The following KLF12 variants were observed in gnomAD, a reference collection of about 807,000 sequenced individuals.
The protein encoded by KLF12 is Krueppel-like factor 12.
A neutral mutation model predicts 37.8 loss-of-function variants in KLF12; 9 were observed. The observed-to-expected ratio is 0.24, with a 90% CI of 0.14 to 0.42. The LOEUF (loss-of-function observed/expected upper bound fraction) is 0.42, where lower values mean the gene tolerates loss of function less well. KLF12 is among the 10% of genes least tolerant of loss of function. KLF12 has a pLI of 1.00. For missense variants in KLF12, 411 were observed against 516.0 expected, an observed-to-expected ratio of 0.80 and a Z score of 1.97; for synonymous variants, 208 against 202.1, an observed-to-expected ratio of 1.03 and a Z score of -0.25.
chr13:73,714,154 A>G (rs1161840731), intron 7 of KLF12, among the ~76,000 whole-genome samples: 2 of 152,168 alleles, frequency 1.3e-5, no homozygotes, highest in African/African-American at 4.8e-5. Flanking sequence ...AATAAGTAGA[A>G]AAGAGAGGCT....
At chr13:74,071,658 A>G (rs542549623) in intron 1 of KLF12, among the ~76,000 whole-genome samples, 2 of 152,310 alleles carry the variant, frequency 1.3e-5, no homozygotes, top group South Asian at 4.1e-4. Flanking sequence ...GCACCACTGC[A>G]CTCCAGCCTG....
At chr13:74,056,058 T>C (rs1281467449) in intron 1 of KLF12, among the ~76,000 whole-genome samples, 3 of 152,136 alleles carry the variant, frequency 2.0e-5, no homozygotes, top group Admixed American at 2.0e-4. Context: ...CACCTGCAGA[T>C]ACTTGCCAGA....
At chr13:73,796,649 A>T (rs1881993164) in intron 5 of KLF12, among the ~76,000 whole-genome samples, 1 of 151,204 alleles carries the variant, frequency 6.6e-6, no homozygotes, top group Non-Finnish European at 1.5e-5. Flanking sequence ...CTTATAGAAA[A>T]CTCTTTGGTA....
At chr13:73,830,422 C>G (rs1884090660) in intron 4 of KLF12, among the ~76,000 whole-genome samples, 1 of 152,058 alleles carries the variant, frequency 6.6e-6, no homozygotes, top group African/African-American at 2.4e-5. Flanking sequence ...CTGGAAAATG[C>G]CAGATTTTAC....
At chr13:74,165,579 G>A in the KLF12 span, among the ~76,000 whole-genome samples, 2 of 152,146 alleles carry the variant, frequency 1.3e-5, no homozygotes. Flanking sequence ...AATTACAGGA[G>A]TGAGCCACCA....
chr13:74,218,235 T>C, the KLF12 span, among the ~76,000 whole-genome samples: 52 of 152,310 alleles, frequency 3.4e-4, no homozygotes, highest in African/African-American at 1.2e-3. Flanking sequence ...TCCCCATCTC[T>C]TGAGGTTTTA....
At chr13:73,699,905 G>A (rs895829684) in intron 7 of KLF12, among the ~76,000 whole-genome samples, 2 of 151,906 alleles carry the variant, frequency 1.3e-5, no homozygotes, top group Non-Finnish European at 1.5e-5. Flanking sequence ...CAAGGGAAGA[G>A]GCCTCAGAAA....
chr13:74,057,422 C>A (rs754666498), intron 1 of KLF12, among the ~76,000 whole-genome samples: 1 of 152,174 alleles, frequency 6.6e-6, no homozygotes, highest in African/African-American at 2.4e-5. Flanking sequence ...TCCCAAAGAA[C>A]AGGTTACAGC....
chr13:73,913,918 A>T (rs955144783), intron 3 of KLF12, among the ~76,000 whole-genome samples: 1 of 152,204 alleles, frequency 6.6e-6, no homozygotes, highest in African/African-American at 2.4e-5. Flanking sequence ...TTTTTCTATT[A>T]AAAGAAAAGT....
chr13:73,738,143 A>ATG (rs1877661452), intron 6 of KLF12, among the ~76,000 whole-genome samples: 1 of 145,828 alleles, frequency 6.9e-6, no homozygotes, highest in African/African-American at 2.5e-5. Context: ...ACACATATAT[A>ATG]TACACACACA....
chr13:73,909,854 T>C (rs1888488360), intron 3 of KLF12, among the ~76,000 whole-genome samples: 1 of 152,248 alleles, frequency 6.6e-6, no homozygotes, highest in East Asian at 1.9e-4. Flanking sequence ...TTCTTTGGTT[T>C]TTCTTGATCT....
chr13:73,898,149 T>C (rs1887874270), intron 3 of KLF12, among the ~76,000 whole-genome samples: 1 of 152,182 alleles, frequency 6.6e-6, no homozygotes, highest in South Asian at 2.1e-4. Flanking sequence ...ACCTGAAGTA[T>C]TCAGCCCTTC....
At chr13:74,225,494 C>A in the KLF12 span, among the ~76,000 whole-genome samples, 2 of 151,814 alleles carry the variant, frequency 1.3e-5, no homozygotes, top group Non-Finnish European at 2.9e-5. Context: ...GTAGTCTTGG[C>A]CTACATTGCG....
At chr13:74,052,791 T>C (rs756035373) in intron 1 of KLF12, among the ~76,000 whole-genome samples, 4 of 152,130 alleles carry the variant, frequency 2.6e-5, no homozygotes, top group Non-Finnish European at 4.4e-5. Flanking sequence ...ACAGCTGAGA[T>C]GAAAAGTTGA....
chr13:73,756,307 G>A (rs928927578), intron 6 of KLF12, among the ~76,000 whole-genome samples: 6 of 152,036 alleles, frequency 3.9e-5, no homozygotes, highest in Admixed American at 2.0e-4. Flanking sequence ...ATGTGATATC[G>A]CAATAACTAC....
At chr13:73,919,362 T>C (rs571959737) in intron 3 of KLF12, among the ~76,000 whole-genome samples, 62 of 152,170 alleles carry the variant, frequency 4.1e-4, no homozygotes, top group South Asian at 1.5e-3. Flanking sequence ...CAGTAACTAA[T>C]CCAAAACAAC....
chr13:74,212,466 T>C, the KLF12 span, among the ~76,000 whole-genome samples: 3 of 152,142 alleles, frequency 2.0e-5, no homozygotes, highest in Non-Finnish European at 4.4e-5. Context: ...AATTGTAGTT[T>C]AGGTACATTA....
At chr13:73,827,677 C>T (rs1392385186) in intron 4 of KLF12, among the ~76,000 whole-genome samples, 2 of 152,188 alleles carry the variant, frequency 1.3e-5, no homozygotes, top group South Asian at 2.1e-4. Context: ...ATTCTCCTGC[C>T]TCAGCCTCCC....
chr13:73,764,918 A>G lies in KLF12; in HGVS notation c.869+20T>C, dbSNP rs1296566061. ...TTTCCCGTAAGACCTACAAATACTCATATTAGACTGTATACTCACCAAGGA... is the reference window on the plus strand; with the variant it reads ...TTTCCCGTAAGACCTACAAATACTCGTATTAGACTGTATACTCACCAAGGA... On this transcript the variant is annotated intron_variant, in intron 6 of 7. Transcript: ENST00000377669. The G allele has an allele frequency of 2.2e-6, 3 of 1,390,462 alleles. No homozygotes were observed. The highest frequency in any genetic ancestry group is 2.3e-5 in the East Asian group (1 of 44,282). The allele number at this position is 1,390,462 out of a possible 1,614,324, so 86.1% of individuals were successfully genotyped here.
Sources: gnomAD v4.1 joint callset for allele counts (sites outside exome capture counted in the v4.1 genomes callset) on GRCh38, gnomAD v4.1.1 for gene constraint, MANE v1.5 for transcripts, NCBI Gene and HGNC (gene_info 2026-07-23, HGNC 2026-07-21) for gene names.